Variants in GLIS1 observed in about 807,000 individuals in gnomAD.
GLIS1 encodes zinc finger protein GLIS1.
In GLIS1, 24 loss-of-function variants were observed where a neutral mutation model predicts 63.8. The observed-to-expected ratio is 0.38, with a 90% confidence interval of 0.27 to 0.53. The LOEUF (loss-of-function observed/expected upper bound fraction) is 0.53. GLIS1 is among the 20% of genes least tolerant of loss of function. The pLI is 0.85. For missense variants in GLIS1, 1,036 were observed against 1,074.1 expected (o/e 0.96, Z 0.50); for synonymous variants, 450 against 482.5 (o/e 0.93, Z 0.88).
chr1:53,602,279 T>G (rs1434412072), intron 2 of GLIS1, among the ~76,000 whole-genome samples: 1 of 152,186 alleles, frequency 6.6e-6, no homozygotes, highest in East Asian at 1.9e-4. Context: ...CCGTCTCTGC[T>G]TGGCCGTCTT....
chr1:53,534,789 CCT>C (rs1644566287), intron 4 of GLIS1, among the ~76,000 whole-genome samples: 1 of 152,024 alleles, frequency 6.6e-6, no homozygotes, highest in Non-Finnish European at 1.5e-5. Context: ...CTCAGCTGCC[CCT>C]CTGTGTGCCT....
intron 4 of GLIS1, among the ~76,000 whole-genome samples, chr1:53,549,175 C>T (rs1171122716): frequency 6.6e-6 from 1 of 152,196 alleles, no homozygotes; most frequent in African/African-American, 2.4e-5. Context: ...TTTATCTATC[C>T]ATCCCTCCAT....
At chr1:53,628,361 A>G (rs1440429902) in intron 2 of GLIS1, among the ~76,000 whole-genome samples, 1 of 152,148 alleles carries the variant, frequency 6.6e-6, no homozygotes, top group African/African-American at 2.4e-5. Flanking sequence ...TAGATGCTCA[A>G]CGTCCCAGCA....
chr1:53,568,824 CCTGTGGCT>C (rs1282020411), intron 4 of GLIS1, among the ~76,000 whole-genome samples: 4 of 152,192 alleles, frequency 2.6e-5, no homozygotes, highest in Non-Finnish European at 1.5e-5. Context: ...TCCTGTTAAG[CCTGTGGCT>C]CTGTGAGTCA....
At chr1:53,507,796 T>C (rs1481357748) in intron 10 of GLIS1, among the ~76,000 whole-genome samples, 1 of 152,154 alleles carries the variant, frequency 6.6e-6, no homozygotes, top group East Asian at 1.9e-4. Flanking sequence ...TGCCTCCTGC[T>C]CCATTCAGAG....
At chr1:53,533,476 C>T (rs1246663409) in intron 4 of GLIS1, among the ~76,000 whole-genome samples, 2 of 152,236 alleles carry the variant, frequency 1.3e-5, no homozygotes. Context: ...TGTATGTTGG[C>T]CCAGCCTTGT....
intron 4 of GLIS1, among the ~76,000 whole-genome samples, chr1:53,556,545 G>A (rs1428619464): frequency 2.1e-5 from 3 of 142,990 alleles, no homozygotes; most frequent in Admixed American, 6.9e-5. Flanking sequence ...GCAGGTGTGT[G>A]TGTGTGCAGG....
intron 2 of GLIS1, among the ~76,000 whole-genome samples, chr1:53,672,066 A>T (rs1013512366): frequency 2.6e-5 from 4 of 152,216 alleles, no homozygotes; most frequent in Non-Finnish European, 5.9e-5. Flanking sequence ...GGCCAACTGC[A>T]GGGTAGGAGG....
At chr1:53,703,025 A>G (rs1052498187) in intron 2 of GLIS1, among the ~76,000 whole-genome samples, 7 of 152,170 alleles carry the variant, frequency 4.6e-5, no homozygotes, top group Non-Finnish European at 8.8e-5. Context: ...AGGCTCCCCA[A>G]TCTCTGCTCT....
chr1:53,653,857 C>T lies in GLIS1; in HGVS notation c.260-53579G>A, dbSNP rs1315328387. On this transcript the variant is annotated intron_variant, in intron 2 of 10. Coordinates refer to ENST00000628545, the MANE Select transcript of GLIS1 (RefSeq NM_001367484.1). ...ATCCCTGGCCCTCCTCTGGCCCCCA[C>T]CCTACAGGCTGCCAGCAGTGGGTGA... Among the ~76,000 whole-genome samples the T allele has an allele frequency of 2.0e-5, 3 of 152,210 alleles. No homozygotes were observed. The East Asian group carries it at 5.8e-4, about 29-fold the overall frequency.
chr1:53,515,464 C>CG (rs1483432766), intron 7 of GLIS1, among the ~76,000 whole-genome samples: 1 of 152,042 alleles, frequency 6.6e-6, no homozygotes, highest in Admixed American at 6.6e-5. Context: ...GTTGCATGGG[C>CG]GGTACACTGA....
chr1:53,514,721 G>A lies in GLIS1; in HGVS notation c.1787C>T (p.Ala596Val), dbSNP rs771619289. 9.9e-6 allele frequency: 16 copies of A among 1,612,960 alleles called. No homozygotes were observed. The highest frequency in any genetic ancestry group is 3.3e-5 in the Admixed American group (2 of 59,876). ...NGLASGLLPP[A>V]HDVPSRHHPL... ...GTGGTGCCTGGAAGGTACGTCGTGC[G>A]CTGGGGGCAGGAGGCCCGATGCAAG... Residue 596 changes from alanine (A) to valine (V), a missense_variant, in exon 8 of 11, where the codon GCG (alanine) becomes GTG (valine). Around this residue, in one of 3 missense-constraint regions of GLIS1, gnomAD observed 400 missense variants for 400.9 expected, o/e 1.00. Transcript: ENST00000628545.
At chr1:53,681,001 G>T (rs988134651) in intron 2 of GLIS1, among the ~76,000 whole-genome samples, 1 of 152,206 alleles carries the variant, frequency 6.6e-6, no homozygotes, top group Admixed American at 6.5e-5. Flanking sequence ...TCTCAACCCT[G>T]GACACAGCTG....
intron 4 of GLIS1, among the ~76,000 whole-genome samples, chr1:53,581,126 G>A (rs779995518): frequency 4.6e-5 from 7 of 152,214 alleles, no homozygotes; most frequent in African/African-American, 1.7e-4. Flanking sequence ...TCCAGGAGCT[G>A]TGAACTGAGG....
chr1:53,599,467 AC>A (rs1645293677), intron 3 of GLIS1, among the ~76,000 whole-genome samples: 1 of 152,200 alleles, frequency 6.6e-6, no homozygotes, highest in South Asian at 2.1e-4. Flanking sequence ...CCAGATGCAA[AC>A]CCTCAATATT....
Position 53,594,715 on chromosome 1 carries a change from T to C in GLIS1, c.713A>G (p.Lys238Arg), listed in dbSNP as rs1569885382. 6.4e-7 allele frequency: 1 copy of C among 1,564,154 alleles called. No homozygotes were observed. Among genetic ancestry groups the C allele is most frequent in the Non-Finnish European group, 8.7e-7 (1 of 1,154,116 alleles). ...PETHLPEGSL[K>R]RCCVLGLPPT... ...GGGTAGGCCCAAGACGCAGCACCGCTTCAGGCTGCCCTCGGGGAGGTGGGT... is the reference window on the plus strand; with the variant it reads ...GGGTAGGCCCAAGACGCAGCACCGCCTCAGGCTGCCCTCGGGGAGGTGGGT... Residue 238 changes from lysine to arginine, a missense_variant, in exon 4 of 11, where the codon AAG becomes AGG. Lys to Arg is a conservative substitution (Grantham distance 26). This residue lies in a region of GLIS1 where 592 missense variants were observed against 593.9 expected (regional missense o/e 1.00). Transcript: ENST00000628545.
intron 4 of GLIS1, among the ~76,000 whole-genome samples, chr1:53,563,020 T>C (rs1644906568): frequency 1.3e-5 from 2 of 152,248 alleles, no homozygotes; most frequent in Non-Finnish European, 2.9e-5. Context: ...GCATAAAATA[T>C]AGCTTCTGTC....
chr1:53,734,612 C>T (rs1184533823), intron 2 of GLIS1, among the ~76,000 whole-genome samples: 1 of 152,216 alleles, frequency 6.6e-6, no homozygotes, highest in East Asian at 1.9e-4. Context: ...ATCTGCCCAG[C>T]ACTTTACAGA....
chr1:53,698,946 T>C (rs1055010986), intron 2 of GLIS1, among the ~76,000 whole-genome samples: 2 of 152,194 alleles, frequency 1.3e-5, no homozygotes, highest in African/African-American at 2.4e-5. Flanking sequence ...ATAATGACCA[T>C]CAGAGTCATA....
Sources: allele counts gnomAD v4.1 joint callset (sites outside exome capture counted in the v4.1 genomes callset), GRCh38; gene constraint gnomAD v4.1.1; regional missense constraint gnomAD v4.1.1; transcripts MANE v1.5; gene names NCBI Gene and HGNC (gene_info 2026-07-23, HGNC 2026-07-21).